AGO4: variants seen among roughly 807,000 people sequenced by gnomAD.
AGO4 encodes the protein argonaute RISC component 4.
A neutral mutation model predicts 104.7 loss-of-function variants in AGO4; 33 were observed. The ratio of observed to expected loss-of-function variants is 0.32; its 90% CI spans 0.24 to 0.42. AGO4 has a LOEUF of 0.42. AGO4 is among the 10% of genes least tolerant of loss of function. AGO4 has a pLI of 1.00. For synonymous variants in AGO4, 331 were observed against 364.7 expected (o/e 0.91, Z 1.05); for missense variants, 711 against 1,083.4 (o/e 0.66, Z 4.83).
At chr1:35,853,263 A>AG (rs896807976) in intron 17 of AGO4, among the ~76,000 whole-genome samples, 23 of 151,904 alleles carry the variant, frequency 1.5e-4, no homozygotes, top group Non-Finnish European at 2.2e-4. Flanking sequence ...AAAAAAAAAA[A>AG]AAAAAGAAAT....
At chr1:35,850,489 T>C (rs1302929985) in intron 16 of AGO4, among the ~76,000 whole-genome samples, 3 of 151,900 alleles carry the variant, frequency 2.0e-5, no homozygotes, top group African/African-American at 7.3e-5. Context: ...GTCAGAAATA[T>C]ATTAATCAGG....
chr1:35,834,527 C>T (rs181676791), intron 12 of AGO4, among the ~76,000 whole-genome samples: 105 of 152,262 alleles, frequency 6.9e-4, no homozygotes, highest in African/African-American at 2.4e-3. Flanking sequence ...TAGTGTGATA[C>T]TACCATAGGC....
intron 7 of AGO4, among the ~76,000 whole-genome samples, chr1:35,829,469 A>G (rs942326593): frequency 6.6e-6 from 1 of 152,180 alleles, no homozygotes; most frequent in Non-Finnish European, 1.5e-5. Flanking sequence ...AAAGATTATA[A>G]CTCATATATT....
At chr1:35,842,315 G>A (rs542842586) in intron 15 of AGO4, among the ~76,000 whole-genome samples, 8 of 152,106 alleles carry the variant, frequency 5.3e-5, no homozygotes, top group South Asian at 2.1e-4. Flanking sequence ...CCATCTCCCC[G>A]CCGCTCCCCT....
At chr1:35,813,396 G>T (rs181681550) in intron 1 of AGO4, among the ~76,000 whole-genome samples, 6 of 146,326 alleles carry the variant, frequency 4.1e-5, no homozygotes, top group Admixed American at 4.1e-4. Context: ...GTGACAGAGC[G>T]AGACTCCATC....
At chr1:35,842,471 C>A (rs1644468376) in intron 15 of AGO4, among the ~76,000 whole-genome samples, 1 of 152,224 alleles carries the variant, frequency 6.6e-6, no homozygotes, top group Admixed American at 6.5e-5. Context: ...TACTCAACTT[C>A]TCTAAGCCAT....
intron 15 of AGO4, among the ~76,000 whole-genome samples, chr1:35,844,963 G>A (rs1644532375): frequency 6.6e-6 from 1 of 152,168 alleles, no homozygotes. Context: ...CTCCATTGAA[G>A]TTGTTGTCTC....
intron 15 of AGO4, among the ~76,000 whole-genome samples, chr1:35,846,623 A>C (rs995366084): frequency 6.6e-6 from 1 of 150,514 alleles, no homozygotes; most frequent in South Asian, 2.1e-4. Context: ...ATATATATAT[A>C]TATATATTTA....
At chr1:35,828,066 A>G (rs1348883438) in intron 7 of AGO4, among the ~76,000 whole-genome samples, 2 of 152,010 alleles carry the variant, frequency 1.3e-5, no homozygotes, top group Admixed American at 6.6e-5. Flanking sequence ...TTCTTAATAC[A>G]TGGCTCAAAA....
At chr1:35,828,517 C>T (rs1030659307) in intron 7 of AGO4, among the ~76,000 whole-genome samples, 1 of 151,894 alleles carries the variant, frequency 6.6e-6, no homozygotes, top group African/African-American at 2.4e-5. Flanking sequence ...CCTAATCACC[C>T]AACACTTCTT....
intron 3 of AGO4, 35 bp downstream of exon 3, chr1:35,823,017 T>G: frequency 6.9e-6 from 11 of 1,601,314 alleles, no homozygotes; most frequent in Non-Finnish European, 9.4e-6. Flanking sequence ...TTAGTTCATT[T>G]AGTAGTAATT....
At chr1:35,845,681 C>T (rs1286941847) in intron 15 of AGO4, among the ~76,000 whole-genome samples, 2 of 152,158 alleles carry the variant, frequency 1.3e-5, no homozygotes, top group South Asian at 2.1e-4. Context: ...TTTCCAGCCC[C>T]AATCTACTCT....
intron 2 of AGO4, among the ~76,000 whole-genome samples, chr1:35,821,410 A>G (rs1365712502): frequency 1.3e-5 from 2 of 152,344 alleles, no homozygotes; most frequent in Non-Finnish European, 2.9e-5. Context: ...TTGTTCCCAC[A>G]CATGAAACTC....
At chr1:35,835,640 G>A (rs1279490764) in intron 12 of AGO4, among the ~76,000 whole-genome samples, 194 bp from the exon 13 acceptor site, 1 of 151,974 alleles carries the variant, frequency 6.6e-6, no homozygotes, top group Non-Finnish European at 1.5e-5. Flanking sequence ...GGAGAGAAGG[G>A]AGGGCCTATC....
At chr1:35,819,332 G>A (rs1369188962) in intron 2 of AGO4, among the ~76,000 whole-genome samples, 3 of 151,442 alleles carry the variant, frequency 2.0e-5, no homozygotes, top group African/African-American at 4.9e-5. Context: ...GTGGTAGCTC[G>A]TACCTGTAAT....
At chr1:35,817,116 C>G in intron 2 of AGO4, 69 bp downstream of exon 2, 1 of 1,418,386 alleles carries the variant, frequency 7.1e-7, no homozygotes, top group Non-Finnish European at 9.5e-7. Context: ...TCATATTGTT[C>G]TCTAAATTCA....
chr1:35,827,790 CTTTTTTTTT>C (rs142432459), intron 7 of AGO4, among the ~76,000 whole-genome samples: 1 of 103,850 alleles, frequency 9.6e-6, no homozygotes, highest in African/African-American at 3.5e-5. Flanking sequence ...TGTTGTTATT[CTTTTTTTTT>C]TTTTTTTTTT....
At position 35,841,531 on chromosome 1, in the gene AGO4, G is replaced by T; in HGVS notation, c.2040+51G>T. ...TCGGGGCCCCTAGGAGTCTGAGGGA[G>T]ATTCCTCTCATCTACCATTCTGGGT... On this transcript the variant is annotated intron_variant, in intron 14 of 17. Transcript: ENST00000373210. This position sits in a 1 kb window ranked among gnomAD's most constrained non-coding sequence, Gnocchi z 4.7. The T allele has an allele frequency of 6.2e-7, 1 of 1,608,648 alleles. No homozygotes were observed. Among genetic ancestry groups the T allele is most frequent in the Admixed American group, 1.7e-5 (1 of 59,766 alleles).
intron 15 of AGO4, among the ~76,000 whole-genome samples, chr1:35,842,823 T>A (rs1644476311): frequency 6.6e-6 from 1 of 151,888 alleles, no homozygotes; most frequent in Admixed American, 6.6e-5. Flanking sequence ...AAAATTAAAA[T>A]CCAAAACACC....
Sources: gnomAD v4.1 joint callset for allele counts (sites outside exome capture counted in the v4.1 genomes callset) on GRCh38, gnomAD v4.1.1 for gene constraint, Gnocchi (gnomAD v3.1) non-coding constraint, MANE v1.5 for transcripts, NCBI Gene and HGNC (gene_info 2026-07-23, HGNC 2026-07-21) for gene names.